COBLL1: variants seen among roughly 807,000 people sequenced by gnomAD.
COBLL1 encodes cordon-bleu protein-like 1.
COBLL1 carries 50 observed loss-of-function variants against 94.8 expected under a neutral mutation model. The observed-to-expected ratio is 0.53, with a 90% CI of 0.42 to 0.67. The LOEUF (loss-of-function observed/expected upper bound fraction) is 0.67, where lower values mean the gene tolerates loss of function less well. COBLL1 is among the 30% of genes least tolerant of loss of function. COBLL1 has a pLI of 0.00. For synonymous variants in COBLL1, 448 were observed against 473.8 expected, an observed-to-expected ratio of 0.95 and a Z score of 0.71; for missense variants, 1,362 against 1,348.7, an observed-to-expected ratio of 1.01 and a Z score of -0.15.
chr2:164,817,361 T>TAAAAA lies in COBLL1; in HGVS notation c.41+23790_41+23794dup, dbSNP rs10599487. 1.3e-3 allele frequency among the ~76,000 whole-genome samples: 147 copies of TAAAAA among 116,368 alleles called. 1 individual carries two copies. The highest frequency in any genetic ancestry group is 2.9e-3 in the East Asian group (12 of 4,144). 76.3% of individuals were successfully genotyped at this position (116,368 alleles called of 152,430 possible). On this transcript the variant is annotated intron_variant, in intron 2 of 13. Transcript: ENST00000652658. Reference sequence around the variant, plus strand: ...CTTATCTGAGTGTAATGGTATATATTAAAAAAAAAAAAAAAAAGAAGAAGA... The same window carrying TAAAAA: ...CTTATCTGAGTGTAATGGTATATATTAAAAAAAAAAAAAAAAAAAAAAGAAGAAGA...
At chr2:164,688,326 C>G (rs527617526) in intron 13 of COBLL1, among the ~76,000 whole-genome samples, 6 of 152,120 alleles carry the variant, frequency 3.9e-5, no homozygotes, top group Non-Finnish European at 7.4e-5. Flanking sequence ...AGAGATCTTA[C>G]TGATTTTAAT....
intron 7 of COBLL1, among the ~76,000 whole-genome samples, chr2:164,716,257 CG>C (rs1685166303): frequency 6.6e-6 from 1 of 152,040 alleles, no homozygotes; most frequent in Non-Finnish European, 1.5e-5. Flanking sequence ...ACAATCTTAT[CG>C]TAAATAACTG....
intron 3 of COBLL1, among the ~76,000 whole-genome samples, chr2:164,732,938 C>T (rs1165692361): frequency 6.6e-6 from 1 of 152,038 alleles, no homozygotes; most frequent in Non-Finnish European, 1.5e-5. Context: ...GTCTGTAGTC[C>T]CAGCTACTTG....
intron 3 of COBLL1, among the ~76,000 whole-genome samples, chr2:164,735,540 G>A (rs1303240473): frequency 6.6e-6 from 1 of 151,864 alleles, no homozygotes; most frequent in Non-Finnish European, 1.5e-5. Flanking sequence ...GGGAATTACT[G>A]ACTGTCTAGC....
intron 2 of COBLL1, among the ~76,000 whole-genome samples, chr2:164,809,329 C>A (rs891023561): frequency 2.0e-5 from 3 of 151,854 alleles, no homozygotes; most frequent in Non-Finnish European, 2.9e-5. Flanking sequence ...TATTAAGTAC[C>A]AAACATAATG....
intron 2 of COBLL1, among the ~76,000 whole-genome samples, chr2:164,771,062 T>C (rs1322040300): frequency 1.3e-5 from 2 of 152,090 alleles, no homozygotes; most frequent in East Asian, 3.9e-4. Context: ...TCTTACAATA[T>C]TTTCTTAATT....
At chr2:164,764,646 C>T (rs1249504157) in intron 2 of COBLL1, among the ~76,000 whole-genome samples, 1 of 151,982 alleles carries the variant, frequency 6.6e-6, no homozygotes. Context: ...TTTGGGCAAA[C>T]AGAATGTTCT....
At chr2:164,757,353 A>G (rs918677060) in intron 2 of COBLL1, among the ~76,000 whole-genome samples, 1 of 152,234 alleles carries the variant, frequency 6.6e-6, no homozygotes, top group African/African-American at 2.4e-5. Flanking sequence ...ACTCAGGATC[A>G]GTGAATAAAA....
At chr2:164,664,176 G>GT (rs774940963) in intron 2 of COBLL1, among the ~76,000 whole-genome samples, 3 of 152,162 alleles carry the variant, frequency 2.0e-5, no homozygotes, top group Non-Finnish European at 4.4e-5. Flanking sequence ...GAAGTCCTAT[G>GT]TATTTGCACA....
At position 164,683,832 on chromosome 2, in the gene COBLL1, A is replaced by G. The variant is rs1453745314; in HGVS notation, c.*2114T>C. The G allele has an allele frequency of 6.6e-6, 1 of 152,280 alleles. No homozygotes were observed. Among genetic ancestry groups the G allele is most frequent in the East Asian group, 1.9e-4 (1 of 5,182 alleles). The allele number at this position is 152,280 out of a possible 1,614,324, so 9.4% of individuals were successfully genotyped here. Reference sequence around the variant, plus strand: ...TTGTTCATTTGGACTGCTGTGTGGAAGTCTATCATATGAATATATGCATTA... The same window carrying G: ...TTGTTCATTTGGACTGCTGTGTGGAGGTCTATCATATGAATATATGCATTA... On this transcript the variant is annotated 3_prime_UTR_variant, in exon 14 of 14. Transcript: ENST00000652658.
chr2:164,680,687 T>C lies in COBLL1; in HGVS notation c.*5259A>G, dbSNP rs1131415. On this transcript the variant is annotated 3_prime_UTR_variant, in exon 14 of 14. Transcript: ENST00000652658. Reference sequence around the variant, plus strand: ...GAAAAATACAGGATGCCTAGTTAGCTTGAACGTCAGATAAACAATATAAAA... The same window carrying C: ...GAAAAATACAGGATGCCTAGTTAGCCTGAACGTCAGATAAACAATATAAAA... The C allele has an allele frequency of 6.6e-6, 1 of 152,148 alleles. No individual in the cohort carries two copies. The highest frequency in any genetic ancestry group is 2.4e-5 in the African/African-American group (1 of 41,428). The allele number at this position is 152,148 out of a possible 1,614,324, so 9.4% of individuals were successfully genotyped here. A position where few individuals can be genotyped will look rare whatever the true frequency, so the allele number is the denominator to read the frequency against.
At chr2:164,670,934 G>C (rs770689419) in intron 1 of COBLL1, among the ~76,000 whole-genome samples, 2 of 152,178 alleles carry the variant, frequency 1.3e-5, no homozygotes, top group Non-Finnish European at 2.9e-5. Flanking sequence ...GCCAAGTCCT[G>C]GGTGCTTTCA....
intron 1 of COBLL1, among the ~76,000 whole-genome samples, chr2:164,669,264 G>A (rs528289251): frequency 2.7e-4 from 41 of 152,062 alleles, no homozygotes; most frequent in South Asian, 2.1e-4. Context: ...AATATTATGC[G>A]GGAATAAATA....
At chr2:164,798,140 G>A (rs1225684285) in intron 2 of COBLL1, among the ~76,000 whole-genome samples, 2 of 152,160 alleles carry the variant, frequency 1.3e-5, no homozygotes, top group Non-Finnish European at 2.9e-5. Context: ...GCAGAATTCT[G>A]GCTAGATAAA....
intron 7 of COBLL1, among the ~76,000 whole-genome samples, chr2:164,710,792 T>C (rs1684857157): frequency 6.6e-6 from 1 of 152,066 alleles, no homozygotes; most frequent in African/African-American, 2.4e-5. Flanking sequence ...CTTGAACTCC[T>C]GACCTTGTGA....
intron 3 of COBLL1, among the ~76,000 whole-genome samples, chr2:164,737,772 A>C (rs2105543244): frequency 6.6e-6 from 1 of 152,174 alleles, no homozygotes. Flanking sequence ...CATTTTTCAT[A>C]GTCTACTTTT....
At position 164,805,327 on chromosome 2, in the gene COBLL1, C is replaced by CTATATA. The variant is rs1282917607; in HGVS notation, c.41+35828_41+35829insTATATA. 2.7e-3 allele frequency among the ~76,000 whole-genome samples: 71 copies of CTATATA among 26,422 alleles called. 1 individual carries two copies. Among genetic ancestry groups the CTATATA allele is most frequent in the Non-Finnish European group, 3.4e-3 (48 of 13,954 alleles). The allele number at this position is 26,422 out of a possible 152,430, so 17.3% of individuals were successfully genotyped here. On this transcript the variant is annotated intron_variant, in intron 2 of 13. Coordinates refer to ENST00000652658, the MANE Select transcript of COBLL1 (RefSeq NM_001365672.2). Reference sequence around the variant, plus strand: ...TCTCTCTCTCTCTCTCTCTCTCTCTCTCTCTCTCTCTATATATATATATAT... The same window carrying CTATATA: ...TCTCTCTCTCTCTCTCTCTCTCTCTCTATATATCTCTCTCTCTATATATATATATAT...
chr2:164,803,582 T>TAAATAAAATA (rs141238166), intron 2 of COBLL1, among the ~76,000 whole-genome samples: 3,662 of 146,380 alleles, frequency 0.025, 87 homozygotes, highest in African/African-American at 0.066. Context: ...AATAAATAAA[T>TAAATAAAATA]AAATAAAATA....
chr2:164,795,009 C>T (rs1041728840), intron 2 of COBLL1, among the ~76,000 whole-genome samples: 5 of 152,290 alleles, frequency 3.3e-5, no homozygotes, highest in East Asian at 3.9e-4. Flanking sequence ...GTGAGAAATA[C>T]TTATCACAAT....
Sources: allele counts gnomAD v4.1 joint callset (sites outside exome capture counted in the v4.1 genomes callset), GRCh38; gene constraint gnomAD v4.1.1; transcripts MANE v1.5; gene names NCBI Gene and HGNC (gene_info 2026-07-23, HGNC 2026-07-21).